The following BRD10 variants were observed in gnomAD, a reference collection of about 807,000 sequenced individuals.
The protein encoded by BRD10 is bromodomain containing 10.
chr9:6,000,764 G>C, the BRD10 span, among the ~76,000 whole-genome samples: 1 of 151,948 alleles, frequency 6.6e-6, no homozygotes, highest in Non-Finnish European at 1.5e-5. Flanking sequence ...TCTAAATTAA[G>C]CATTTCAGCT....
At chr9:5,908,968 G>C in the BRD10 span, 1 of 403,838 alleles carries the variant, frequency 2.5e-6, no homozygotes, top group South Asian at 4.1e-5. Context: ...GGTAATGTTA[G>C]TAAATCCATG....
the BRD10 span, among the ~76,000 whole-genome samples, chr9:5,977,270 T>A: frequency 2.0e-5 from 3 of 152,194 alleles, no homozygotes; most frequent in African/African-American, 7.2e-5. Context: ...CTGTTCCTCA[T>A]ACACTGTACC....
At chr9:5,900,815 T>C in the BRD10 span, among the ~76,000 whole-genome samples, 2 of 152,384 alleles carry the variant, frequency 1.3e-5, no homozygotes, top group African/African-American at 4.8e-5. Flanking sequence ...GGTTTTTATA[T>C]TAACCAGTTT....
At chr9:5,983,904 T>C in the BRD10 span, among the ~76,000 whole-genome samples, 1 of 149,818 alleles carries the variant, frequency 6.7e-6, no homozygotes, top group Non-Finnish European at 1.5e-5. Context: ...AAACACGTCA[T>C]ACTTAAAGTG....
At chr9:5,952,909 TTATATAA>T in the BRD10 span, among the ~76,000 whole-genome samples, 3 of 152,176 alleles carry the variant, frequency 2.0e-5, no homozygotes, top group Admixed American at 1.3e-4. Flanking sequence ...GCAACCAAGG[TTATATAA>T]TATATAAAAG....
the BRD10 span, among the ~76,000 whole-genome samples, chr9:5,897,357 G>A: frequency 1.3e-5 from 2 of 152,338 alleles, no homozygotes; most frequent in East Asian, 3.9e-4. Flanking sequence ...CACTTGAGAG[G>A]CTCCTAAAGA....
At chr9:5,909,958 A>T in the BRD10 span, 2 of 152,246 alleles carry the variant, frequency 1.3e-5, no homozygotes, top group African/African-American at 4.8e-5. Flanking sequence ...TTTAATTCCT[A>T]TTGCCATCCT....
chr9:5,980,028 A>G, the BRD10 span, among the ~76,000 whole-genome samples: 14 of 142,878 alleles, frequency 9.8e-5, no homozygotes, highest in South Asian at 4.5e-4. Flanking sequence ...AAAAAAAAAA[A>G]GAAAAAAAAA....
the BRD10 span, chr9:6,007,996 G>GGGGGAGAGAAGA: frequency 7.8e-7 from 1 of 1,275,080 alleles, no homozygotes; most frequent in Non-Finnish European, 9.9e-7. Context: ...GCGCGAGGAG[G>GGGGGAGAGAAGA]GGGGAGAGAA....
chr9:6,005,974 T>C, the BRD10 span, among the ~76,000 whole-genome samples: 3 of 152,248 alleles, frequency 2.0e-5, no homozygotes, highest in African/African-American at 7.2e-5. Flanking sequence ...AAATCACCGT[T>C]AGTCTTGAAA....
chr9:5,897,078 G>A, the BRD10 span, among the ~76,000 whole-genome samples: 1 of 152,208 alleles, frequency 6.6e-6, no homozygotes, highest in Non-Finnish European at 1.5e-5. Flanking sequence ...GATAAATTGT[G>A]TCTACCCTCC....
At chr9:5,897,796 A>C in the BRD10 span, 130 of 748,960 alleles carry the variant, frequency 1.7e-4, no homozygotes, top group Non-Finnish European at 2.3e-4. Flanking sequence ...CTTTTGCTAC[A>C]TTGTACTTTG....
chr9:5,911,656 T>A, the BRD10 span, among the ~76,000 whole-genome samples: 7 of 151,882 alleles, frequency 4.6e-5, no homozygotes, highest in African/African-American at 1.7e-4. Context: ...TGCCTCAGCC[T>A]CCCGAGTAAC....
At chr9:6,007,302 C>T in the BRD10 span, 17 of 1,613,786 alleles carry the variant, frequency 1.1e-5, no homozygotes, top group Non-Finnish European at 1.4e-5. Context: ...CCAGCATCAA[C>T]CTGAAGTCCG....
At chr9:5,983,955 T>C in the BRD10 span, among the ~76,000 whole-genome samples, 3 of 130,832 alleles carry the variant, frequency 2.3e-5, no homozygotes, top group African/African-American at 9.3e-5. Context: ...CATATATGTA[T>C]ATGCATTACA....
the BRD10 span, among the ~76,000 whole-genome samples, chr9:5,914,446 C>G: frequency 1.2e-5 from 1 of 81,882 alleles, no homozygotes; most frequent in Non-Finnish European, 2.1e-5. Flanking sequence ...TTTTTTGAGA[C>G]GGAGTCTCAC....
the BRD10 span, among the ~76,000 whole-genome samples, chr9:5,979,867 T>A: frequency 6.6e-6 from 1 of 151,536 alleles, no homozygotes; most frequent in Non-Finnish European, 1.5e-5. Context: ...AATACAAACA[T>A]TAGCTGGGCA....
the BRD10 span, among the ~76,000 whole-genome samples, chr9:5,958,980 G>C: frequency 6.6e-6 from 1 of 152,046 alleles, no homozygotes; most frequent in East Asian, 1.9e-4. Context: ...TAACAAAACA[G>C]TTTATTTTCC....
the BRD10 span, among the ~76,000 whole-genome samples, chr9:5,979,470 A>T: frequency 6.6e-6 from 1 of 152,002 alleles, no homozygotes; most frequent in Non-Finnish European, 1.5e-5. Context: ...TCGTGATCAC[A>T]TCATGCCAGC....
Sources: gnomAD v4.1 joint callset for allele counts (sites outside exome capture counted in the v4.1 genomes callset) on GRCh38, gnomAD v4.1.1 for gene constraint, MANE v1.5 for transcripts, NCBI Gene and HGNC (gene_info 2026-07-23, HGNC 2026-07-21) for gene names.